RAB7A: variants seen among roughly 807,000 people sequenced by gnomAD.
RAB7A encodes the protein RAB7A, member RAS oncogene family, also known as ras-related protein Rab-7a.
Under a neutral mutation model 24.5 loss-of-function variants are expected in RAB7A, and 2 were observed. The ratio of observed to expected loss-of-function variants is 0.08; its 90% confidence interval spans 0.03 to 0.26. The LOEUF (loss-of-function observed/expected upper bound fraction) is 0.26. Ranked by LOEUF, RAB7A falls within the 10% of genes least tolerant of loss-of-function variation. The probability of loss-of-function intolerance (pLI) is 1.00; values close to 1 mark genes in which losing one functional copy is unlikely to be tolerated. For synonymous variants in RAB7A, 100 were observed against 95.9 expected, an observed-to-expected ratio of 1.04 and a Z score of -0.25; for missense variants, 118 against 255.7, an observed-to-expected ratio of 0.46 and a Z score of 3.67.
At position 128,730,391 on chromosome 3, in the gene RAB7A, G is replaced by A. The variant is rs539727604; in HGVS notation, c.-9+4032G>A. Among the ~76,000 whole-genome samples, 4 of 152,006 alleles carry A rather than the reference G, an allele frequency of 2.6e-5. No individual in the cohort carries two copies. In the South Asian group the frequency reaches 8.3e-4, roughly 32 times the overall value. On this transcript the variant is annotated intron_variant, in intron 1 of 5. Coordinates refer to ENST00000265062, the MANE Select transcript of RAB7A (RefSeq NM_004637.6). The stretch of plus-strand genomic sequence containing the variant: ...ACTACAGGCACCCACCACCACGCCC[G>A]GCTAATTTTTGTATTTTTAGTAGAG...
chr3:128,759,013 G>T (rs1280993584), intron 1 of RAB7A, among the ~76,000 whole-genome samples: 1 of 151,966 alleles, frequency 6.6e-6, no homozygotes, highest in African/African-American at 2.4e-5. Flanking sequence ...TTTAAGTTCA[G>T]TGATCTTCAA....
chr3:128,756,263 GAGGCAGGAGAATCGCTTGA>G (rs1269891028), intron 1 of RAB7A, among the ~76,000 whole-genome samples: 2 of 148,496 alleles, frequency 1.3e-5, no homozygotes, highest in Non-Finnish European at 2.9e-5. Context: ...GAATCGCTTG[GAGGCAGGAGAATCGCTTGA>G]ACCCAGGAGG....
At chr3:128,727,188 A>G (rs1202765488) in intron 1 of RAB7A, among the ~76,000 whole-genome samples, 1 of 152,204 alleles carries the variant, frequency 6.6e-6, no homozygotes, top group Non-Finnish European at 1.5e-5. Context: ...TTAACAGATC[A>G]TTATGTTTAG....
At chr3:128,798,527 CTTTTTT>C (rs1175231229) in intron 3 of RAB7A, 1 of 174,412 alleles carries the variant, frequency 5.7e-6, no homozygotes, top group Non-Finnish European at 1.2e-5. Context: ...TTGAGCCAAT[CTTTTTT>C]TTATGTATCA....
intron 1 of RAB7A, among the ~76,000 whole-genome samples, chr3:128,792,811 G>T (rs1933485036): frequency 6.8e-6 from 1 of 146,176 alleles, no homozygotes; most frequent in African/African-American, 2.5e-5. Context: ...CACCCACCGA[G>T]CTAATTTTTA....
chr3:128,740,660 C>T (rs1327576286), intron 1 of RAB7A, among the ~76,000 whole-genome samples: 1 of 151,374 alleles, frequency 6.6e-6, no homozygotes. Context: ...TTTTAGGAGG[C>T]CAAGGTGGGA....
At chr3:128,745,499 GA>G (rs2070603404) in intron 1 of RAB7A, among the ~76,000 whole-genome samples, 1 of 152,282 alleles carries the variant, frequency 6.6e-6, no homozygotes, top group South Asian at 2.1e-4. Context: ...GAGTAGCTGG[GA>G]TTACAGGTGC....
At chr3:128,728,668 G>C (rs945191575) in intron 1 of RAB7A, among the ~76,000 whole-genome samples, 1 of 152,048 alleles carries the variant, frequency 6.6e-6, no homozygotes, top group Non-Finnish European at 1.5e-5. Context: ...CTCCATGTTG[G>C]TCAGGCTGGT....
At chr3:128,758,886 A>C (rs1440074564) in intron 1 of RAB7A, among the ~76,000 whole-genome samples, 1 of 152,172 alleles carries the variant, frequency 6.6e-6, no homozygotes, top group Non-Finnish European at 1.5e-5. Flanking sequence ...AGTTCATTTG[A>C]AATGTTTCTG....
At chr3:128,811,058 A>T (rs1933914667) in intron 5 of RAB7A, among the ~76,000 whole-genome samples, 1 of 152,040 alleles carries the variant, frequency 6.6e-6, no homozygotes, top group South Asian at 2.1e-4. Flanking sequence ...CCATCTCAAA[A>T]AAAAAAACAA....
chr3:128,799,894 G>A (rs1258755205), intron 3 of RAB7A, among the ~76,000 whole-genome samples: 1 of 152,102 alleles, frequency 6.6e-6, no homozygotes, highest in East Asian at 1.9e-4. Flanking sequence ...GAGAAGATGA[G>A]TTCATAACCA....
intron 2 of RAB7A, 43 bp from the exon 3 acceptor site, chr3:128,797,899 AC>A (rs759131840): frequency 1.9e-6 from 3 of 1,606,304 alleles, no homozygotes; most frequent in Admixed American, 3.3e-5. Flanking sequence ...CAGTTTCAGG[AC>A]CCTCCTATTT....
At chr3:128,788,587 G>C (rs192677003) in intron 1 of RAB7A, among the ~76,000 whole-genome samples, 2 of 152,198 alleles carry the variant, frequency 1.3e-5, no homozygotes, top group Non-Finnish European at 2.9e-5. Flanking sequence ...CCATGGATAA[G>C]TGGGTACTAC....
At chr3:128,766,198 T>C (rs539004925) in intron 1 of RAB7A, among the ~76,000 whole-genome samples, 1 of 152,324 alleles carries the variant, frequency 6.6e-6, no homozygotes, top group South Asian at 2.1e-4. Context: ...AACTCTGATA[T>C]GCTCCACTGA....
At chr3:128,729,894 T>G (rs1576263873) in intron 1 of RAB7A, among the ~76,000 whole-genome samples, 1 of 152,324 alleles carries the variant, frequency 6.6e-6, no homozygotes, top group East Asian at 1.9e-4. Context: ...GAGGTTCCCC[T>G]TGGCATTAAA....
At chr3:128,794,991 ACTT>A (rs1933535668) in intron 1 of RAB7A, among the ~76,000 whole-genome samples, 2 of 152,132 alleles carry the variant, frequency 1.3e-5, no homozygotes, top group Admixed American at 6.5e-5. Context: ...TAAAGCGGTC[ACTT>A]CTTTGAGAAA....
intron 1 of RAB7A, among the ~76,000 whole-genome samples, chr3:128,772,851 C>T (rs917857313): frequency 6.6e-6 from 1 of 152,258 alleles, no homozygotes; most frequent in Non-Finnish European, 1.5e-5. Flanking sequence ...CTCGGCCCCC[C>T]GAGGTGCCAG....
chr3:128,749,695 G>A (rs1259406275), intron 1 of RAB7A, among the ~76,000 whole-genome samples: 2 of 152,164 alleles, frequency 1.3e-5, no homozygotes, highest in Non-Finnish European at 2.9e-5. Context: ...TGGCTATTGA[G>A]AGTTTCCCTG....
Position 128,804,117 on chromosome 3 carries a change from C to A in RAB7A, c.181-2255C>A, listed in dbSNP as rs564100218. On this transcript the variant is annotated intron_variant, in intron 3 of 5. Coordinates refer to ENST00000265062, the MANE Select transcript of RAB7A (RefSeq NM_004637.6). Reference sequence around the variant, plus strand: ...ATGGGGCTAGGGACCTCCCTGGGCCCCCCCCCGCCCCCAGCATGTGCAGTT... The same window carrying A: ...ATGGGGCTAGGGACCTCCCTGGGCCACCCCCCGCCCCCAGCATGTGCAGTT... Among the ~76,000 whole-genome samples, 11 of 150,824 alleles carry A rather than the reference C, an allele frequency of 7.3e-5. 1 individual carries two copies. In the South Asian group the frequency reaches 1.7e-3, roughly 23 times the overall value.
Sources: gnomAD v4.1 joint callset for allele counts (sites outside exome capture counted in the v4.1 genomes callset) on GRCh38, gnomAD v4.1.1 for gene constraint, MANE v1.5 for transcripts, NCBI Gene and HGNC (gene_info 2026-07-23, HGNC 2026-07-21) for gene names.